The following ST8SIA4 variants were observed in gnomAD, a reference collection of about 807,000 sequenced individuals.
ST8SIA4 encodes CMP-N-acetylneuraminate-poly-alpha-2,8-sialyltransferase.
ST8SIA4 carries 15 observed loss-of-function variants against 33.9 expected under a neutral mutation model. That is an observed-to-expected ratio of 0.44 (90% CI 0.30 to 0.68). The LOEUF is 0.68. Ranked by LOEUF, ST8SIA4 falls within the 30% of genes least tolerant of loss-of-function variation. The probability of loss-of-function intolerance (pLI) is 0.10; values close to 1 mark genes in which losing one functional copy is unlikely to be tolerated. For synonymous variants in ST8SIA4, 171 were observed against 151.2 expected (o/e 1.13, Z -0.96); for missense variants, 321 against 428.0 (o/e 0.75, Z 2.21).
chr5:100,848,189 G>A (rs1751608621), intron 4 of ST8SIA4, among the ~76,000 whole-genome samples: 1 of 151,632 alleles, frequency 6.6e-6, no homozygotes, highest in African/African-American at 2.4e-5. Context: ...CATTAAGCAT[G>A]GAAAAACTGA....
At chr5:100,830,988 T>G (rs1451944442) in intron 4 of ST8SIA4, among the ~76,000 whole-genome samples, 1 of 152,186 alleles carries the variant, frequency 6.6e-6, no homozygotes, top group Non-Finnish European at 1.5e-5. Flanking sequence ...AAATTAGACC[T>G]ATAGCTTCTC....
intron 4 of ST8SIA4, among the ~76,000 whole-genome samples, chr5:100,818,162 G>T (rs1358532673): frequency 2.0e-5 from 3 of 152,060 alleles, no homozygotes; most frequent in Admixed American, 6.5e-5. Context: ...ACATATATCT[G>T]GCTATAACTA....
Position 100,807,262 on chromosome 5 carries a change from T to C in ST8SIA4, c.*4585A>G, listed in dbSNP as rs1191006762. On this transcript the variant is annotated 3_prime_UTR_variant, in exon 5 of 5. Transcript: ENST00000231461. ...CAAATGATAAAACAATAATACCCGG[T>C]TGCTATACACAAACAATAAGAAAAC... The C allele has an allele frequency of 1.3e-5, 2 of 152,522 alleles. No individual in the cohort carries two copies. Among genetic ancestry groups the C allele is most frequent in the African/African-American group, 4.8e-5 (2 of 41,450 alleles). 9.4% of individuals were successfully genotyped at this position (152,522 alleles called of 1,614,324 possible). A position where few individuals can be genotyped will look rare whatever the true frequency, so the allele number is the denominator to read the frequency against.
chr5:100,829,671 A>T (rs1192954217), intron 4 of ST8SIA4, among the ~76,000 whole-genome samples: 1 of 152,144 alleles, frequency 6.6e-6, no homozygotes, highest in East Asian at 1.9e-4. Context: ...GCACTTTGGG[A>T]GGCCGAAGCG....
intron 4 of ST8SIA4, among the ~76,000 whole-genome samples, chr5:100,854,079 G>A (rs1206851156): frequency 6.6e-6 from 1 of 151,446 alleles, no homozygotes; most frequent in East Asian, 1.9e-4. Flanking sequence ...AACAAAAACA[G>A]ACATGTTCTT....
intron 4 of ST8SIA4, among the ~76,000 whole-genome samples, chr5:100,825,692 G>T (rs1296811863): frequency 6.6e-6 from 1 of 152,108 alleles, no homozygotes; most frequent in Non-Finnish European, 1.5e-5. Flanking sequence ...CTGGCCACTG[G>T]CTATTGTAAG....
intron 3 of ST8SIA4, among the ~76,000 whole-genome samples, chr5:100,861,835 A>G (rs953600976): frequency 1.3e-5 from 2 of 152,342 alleles, no homozygotes; most frequent in African/African-American, 2.4e-5. Context: ...AAATTTTTCT[A>G]TAAATCAGGC....
Position 100,810,282 on chromosome 5 carries a change from A to G in ST8SIA4, c.*1565T>C, listed in dbSNP as rs2112390746. 1 of 152,356 alleles carries G rather than the reference A, an allele frequency of 6.6e-6. No homozygotes were observed. The highest frequency in any genetic ancestry group is 1.5e-5 in the Non-Finnish European group (1 of 68,024). The allele number at this position is 152,356 out of a possible 1,614,324, so 9.4% of individuals were successfully genotyped here. On this transcript the variant is annotated 3_prime_UTR_variant, in exon 5 of 5. Transcript: ENST00000231461. The stretch of plus-strand genomic sequence containing the variant: ...GTGACTAAATTTAACTACAGAAAAT[A>G]TCGGTCAATTAAATTCATTTTAAAT...
At chr5:100,869,753 T>A (rs900220774) in intron 3 of ST8SIA4, among the ~76,000 whole-genome samples, 5 of 152,218 alleles carry the variant, frequency 3.3e-5, no homozygotes, top group Non-Finnish European at 5.9e-5. Flanking sequence ...GATGTCATGA[T>A]CCTTCATCAT....
At chr5:100,832,341 A>G (rs1248614057) in intron 4 of ST8SIA4, among the ~76,000 whole-genome samples, 2 of 152,092 alleles carry the variant, frequency 1.3e-5, no homozygotes, top group Admixed American at 6.6e-5. Flanking sequence ...AGCCTTCTCA[A>G]TTTCTAAAAA....
intron 3 of ST8SIA4, among the ~76,000 whole-genome samples, chr5:100,865,735 T>C (rs537040957): frequency 6.6e-6 from 1 of 152,288 alleles, no homozygotes; most frequent in Non-Finnish European, 1.5e-5. Context: ...CTCCCTATTG[T>C]ATTCCCCATA....
intron 3 of ST8SIA4, among the ~76,000 whole-genome samples, chr5:100,862,543 C>T (rs927671994): frequency 2.6e-5 from 4 of 151,820 alleles, no homozygotes; most frequent in African/African-American, 9.7e-5. Flanking sequence ...GGATTACAGG[C>T]GCCCCCCACC....
chr5:100,876,674 T>C (rs747473538), intron 3 of ST8SIA4, among the ~76,000 whole-genome samples: 4 of 152,042 alleles, frequency 2.6e-5, no homozygotes, highest in Admixed American at 2.6e-4. Flanking sequence ...TCACAGTGTA[T>C]TTAAAATTCT....
At chr5:100,816,040 A>G (rs1750909253) in intron 4 of ST8SIA4, among the ~76,000 whole-genome samples, 1 of 152,164 alleles carries the variant, frequency 6.6e-6, no homozygotes, top group Non-Finnish European at 1.5e-5. Context: ...GTTTAACCTC[A>G]ATGGACATGT....
intron 4 of ST8SIA4, among the ~76,000 whole-genome samples, chr5:100,822,834 C>A (rs1465848767): frequency 1.3e-5 from 2 of 151,984 alleles, no homozygotes; most frequent in Non-Finnish European, 2.9e-5. Context: ...CTGATAAAAC[C>A]GTTTGCAATA....
intron 3 of ST8SIA4, among the ~76,000 whole-genome samples, chr5:100,858,322 A>G (rs1470326877): frequency 1.3e-5 from 2 of 152,022 alleles, no homozygotes; most frequent in African/African-American, 4.8e-5. Context: ...GGCTTTGGAC[A>G]TATTTTTCCA....
intron 1 of ST8SIA4, among the ~76,000 whole-genome samples, chr5:100,897,172 A>T (rs542496566): frequency 2.6e-5 from 4 of 152,284 alleles, no homozygotes; most frequent in African/African-American, 9.6e-5. Flanking sequence ...TTAAGTAGTC[A>T]TTATTAGTAG....
At chr5:100,890,174 AT>A (rs1172714734) in intron 2 of ST8SIA4, among the ~76,000 whole-genome samples, 2 of 151,894 alleles carry the variant, frequency 1.3e-5, no homozygotes, top group Non-Finnish European at 2.9e-5. Context: ...GTGCTTCATA[AT>A]TTTTGGAAAC....
chr5:100,838,026 A>C (rs1296343431), intron 4 of ST8SIA4, among the ~76,000 whole-genome samples: 1 of 152,044 alleles, frequency 6.6e-6, no homozygotes, highest in Non-Finnish European at 1.5e-5. Flanking sequence ...CATAAGGCAG[A>C]ATAGTAAAAC....
Sources: allele counts gnomAD v4.1 joint callset (sites outside exome capture counted in the v4.1 genomes callset), GRCh38; gene constraint gnomAD v4.1.1; transcripts MANE v1.5; gene names NCBI Gene and HGNC (gene_info 2026-07-23, HGNC 2026-07-21).